FAF1: variants seen among roughly 807,000 people sequenced by gnomAD.
FAF1 encodes the protein FAS-associated factor 1.
FAF1 carries 25 observed loss-of-function variants against 92.5 expected under a neutral mutation model. The observed-to-expected ratio is 0.27, with a 90% CI of 0.20 to 0.38. The LOEUF (loss-of-function observed/expected upper bound fraction) is 0.38. Among genes scored for constraint, FAF1 ranks in the 10% least tolerant of loss-of-function variants. The pLI is 1.00. For synonymous variants in FAF1, 234 were observed against 273.2 expected (o/e 0.86, Z 1.42); for missense variants, 636 against 793.3 (o/e 0.80, Z 2.38).
chr1:50,940,495 T>A (rs1394489193), intron 1 of FAF1, among the ~76,000 whole-genome samples: 1 of 152,110 alleles, frequency 6.6e-6, no homozygotes, highest in East Asian at 1.9e-4. Context: ...ACACGTGGTC[T>A]CAAGCAATTC....
intron 13 of FAF1, among the ~76,000 whole-genome samples, chr1:50,555,246 G>GAC (rs149689584): frequency 0.017 from 2,449 of 143,286 alleles, 60 homozygotes; most frequent in African/African-American, 0.059. Context: ...CCAGGACCCT[G>GAC]ACACACACAC....
intron 4 of FAF1, among the ~76,000 whole-genome samples, chr1:50,767,936 C>T (rs1393244374): frequency 2.6e-5 from 4 of 152,148 alleles, no homozygotes; most frequent in Admixed American, 2.0e-4. Context: ...GGATCAAATC[C>T]ACACCTATCA....
chr1:50,539,913 T>A (rs527819238), intron 13 of FAF1, among the ~76,000 whole-genome samples, 185 bp from the exon 14 acceptor site: 1 of 152,256 alleles, frequency 6.6e-6, no homozygotes, highest in East Asian at 1.9e-4. Flanking sequence ...GTGATTATCA[T>A]ATAGAAAAGC....
At chr1:50,922,004 T>C (rs1644967255) in intron 1 of FAF1, among the ~76,000 whole-genome samples, 1 of 150,386 alleles carries the variant, frequency 6.6e-6, no homozygotes, top group Non-Finnish European at 1.5e-5. Flanking sequence ...CCGTCTCCAC[T>C]AAAAACACAA....
chr1:50,737,921 C>T lies in FAF1; in HGVS notation c.551+942G>A, dbSNP rs554944805. Among the ~76,000 whole-genome samples the T allele has an allele frequency of 9.9e-5, 15 of 152,098 alleles. No individual in the cohort carries two copies. The East Asian group carries it at 2.7e-3, about 27-fold the overall frequency. ...AAAATTTGTATCAACAACAGAAAAT[C>T]TAAAAATAAACATAGTTCTGGAATA... On this transcript the variant is annotated intron_variant, in intron 6 of 18. Transcript: ENST00000396153.
chr1:50,741,991 T>C lies in FAF1; in HGVS notation c.459+2693A>G, dbSNP rs58686129. On this transcript the variant is annotated intron_variant, in intron 5 of 18. Coordinates refer to ENST00000396153, the MANE Select transcript of FAF1 (RefSeq NM_007051.3). ...ATTAATGTCATGGGAATAGCAGAAA[T>C]CACCTAGTGAAGAGTACATAGAAAT... Among the ~76,000 whole-genome samples the C allele has an allele frequency of 2.9e-3, 434 of 152,160 alleles. 1 individual carries two copies. The highest frequency in any genetic ancestry group is 0.01 in the African/African-American group (418 of 41,506).
chr1:50,527,482 G>C (rs1257718670), intron 15 of FAF1, among the ~76,000 whole-genome samples: 1 of 152,134 alleles, frequency 6.6e-6, no homozygotes. Context: ...GAAGTAGTTA[G>C]TCAACAGTAC....
chr1:50,736,769 A>T (rs1659158463), intron 6 of FAF1, among the ~76,000 whole-genome samples: 1 of 139,808 alleles, frequency 7.2e-6, no homozygotes, highest in African/African-American at 2.6e-5. Context: ...AGAAAGAAAG[A>T]AAAAAAAAAG....
chr1:50,476,342 C>A (rs1389737653), intron 17 of FAF1, among the ~76,000 whole-genome samples: 1 of 152,150 alleles, frequency 6.6e-6, no homozygotes, highest in Non-Finnish European at 1.5e-5. Context: ...CAGAAGGAGA[C>A]CACAGTCCTA....
chr1:50,849,182 G>A (rs753277123), intron 2 of FAF1, among the ~76,000 whole-genome samples: 9 of 151,570 alleles, frequency 5.9e-5, no homozygotes, highest in Non-Finnish European at 1.2e-4. Flanking sequence ...CAGGAGAATC[G>A]CTTGAACCCG....
chr1:50,500,326 GA>G (rs905225189), intron 15 of FAF1, among the ~76,000 whole-genome samples: 2 of 151,666 alleles, frequency 1.3e-5, no homozygotes, highest in South Asian at 4.2e-4. Context: ...AAAAAAAATG[GA>G]AAAAAAATAA....
Position 50,491,040 on chromosome 1 carries a change from G to A in FAF1, c.1576-375C>T, listed in dbSNP as rs1646833512. 1.3e-5 allele frequency among the ~76,000 whole-genome samples: 2 copies of A among 151,858 alleles called. 1 individual carries two copies. The highest frequency in any genetic ancestry group is 4.2e-4 in the South Asian group (2 of 4,812). On this transcript the variant is annotated intron_variant, in intron 16 of 18. Coordinates refer to ENST00000396153, the MANE Select transcript of FAF1 (RefSeq NM_007051.3). ...CCTCTATCCATCCTCCATGCATTCT[G>A]GACCCTTGATGCTAGCTTATACTGT...
chr1:50,572,327 T>C (rs781076316), intron 12 of FAF1, among the ~76,000 whole-genome samples: 2 of 152,202 alleles, frequency 1.3e-5, no homozygotes, highest in Non-Finnish European at 2.9e-5. Context: ...TTGAGAATAA[T>C]ACATTCCCTT....
intron 7 of FAF1, among the ~76,000 whole-genome samples, chr1:50,694,810 A>T (rs1007753723): frequency 6.7e-6 from 1 of 149,444 alleles, no homozygotes; most frequent in Non-Finnish European, 1.5e-5. Flanking sequence ...AAAAAAAAAA[A>T]AAATTGGCCA....
chr1:50,637,710 T>TGTGTGTGTGTGC (rs1453321407), intron 8 of FAF1, among the ~76,000 whole-genome samples: 69 of 151,062 alleles, frequency 4.6e-4, no homozygotes, highest in African/African-American at 1.6e-3. Context: ...TGTGTGTGTG[T>TGTGTGTGTGTGC]GTGCGTGTGC....
At chr1:50,673,352 C>G (rs868645111) in intron 7 of FAF1, among the ~76,000 whole-genome samples, 1 of 152,038 alleles carries the variant, frequency 6.6e-6, no homozygotes, top group African/African-American at 2.4e-5. Context: ...ACTGATAAAC[C>G]TAAGTTTAAC....
intron 1 of FAF1, among the ~76,000 whole-genome samples, chr1:50,925,542 C>T (rs1011571531): frequency 6.6e-6 from 1 of 151,366 alleles, no homozygotes; most frequent in Non-Finnish European, 1.5e-5. Context: ...TAGAAATGGC[C>T]AACAAATATT....
rs1360497561 is a variant in FAF1 at position 50,918,327 on chromosome 1, T to A, written c.45+41440A>T. 1.4e-4 allele frequency among the ~76,000 whole-genome samples: 15 copies of A among 106,730 alleles called. No individual in the cohort carries two copies. The East Asian group carries it at 3.7e-3, about 26-fold the overall frequency. The allele number at this position is 106,730 out of a possible 152,430, so 70.0% of individuals were successfully genotyped here. ...ATCTAGCATTAGGTATATCTCCCAA[T>A]GCTATCCCTCCCCCCTCCCCCGACC... On this transcript the variant is annotated intron_variant, in intron 1 of 18. Transcript: ENST00000396153.
rs528600374 is a variant in FAF1 at position 50,520,220 on chromosome 1, T to C, written c.1494+15149A>G. On this transcript the variant is annotated intron_variant, in intron 15 of 18. Transcript: ENST00000396153. The stretch of plus-strand genomic sequence containing the variant: ...TGCAAGTACCTGTTTCCTGGGATGA[T>C]AGGTAATTGGAAAGAATAACCAGGG... Among the ~76,000 whole-genome samples, 33 of 152,290 alleles carry C rather than the reference T, an allele frequency of 2.2e-4. 1 individual carries two copies. The highest frequency in any genetic ancestry group is 7.2e-4 in the African/African-American group (30 of 41,558).
Sources: gnomAD v4.1 joint callset for allele counts (sites outside exome capture counted in the v4.1 genomes callset) on GRCh38, gnomAD v4.1.1 for gene constraint, MANE v1.5 for transcripts, NCBI Gene and HGNC (gene_info 2026-07-23, HGNC 2026-07-21) for gene names.